MEF2C: variants seen among roughly 807,000 people sequenced by gnomAD.
MEF2C encodes myocyte-specific enhancer factor 2C.
Under a neutral mutation model 50.5 loss-of-function variants are expected in MEF2C, and 6 were observed. The ratio of observed to expected loss-of-function variants is 0.12; its 90% confidence interval spans 0.07 to 0.23. MEF2C has a LOEUF of 0.23. MEF2C is among the 10% of genes least tolerant of loss of function. The probability of loss-of-function intolerance (pLI) is 1.00; values close to 1 mark genes in which losing one functional copy is unlikely to be tolerated. For synonymous variants in MEF2C, 183 were observed against 228.0 expected (o/e 0.80, Z 1.78); for missense variants, 276 against 605.0 (o/e 0.46, Z 5.70).
intron 3 of MEF2C, among the ~76,000 whole-genome samples, chr5:88,797,394 C>CT (rs897252115): frequency 3.8e-5 from 4 of 104,550 alleles, no homozygotes; most frequent in African/African-American, 7.5e-5. Context: ...CTTCTTGAGT[C>CT]TTTTTTTATC....
chr5:88,877,504 C>G (rs1831429900), intron 1 of MEF2C, among the ~76,000 whole-genome samples: 1 of 151,738 alleles, frequency 6.6e-6, no homozygotes, highest in Non-Finnish European at 1.5e-5. Flanking sequence ...ATTAAATAAC[C>G]TTTTCTATAA....
At chr5:88,874,930 C>T (rs544297575) in intron 1 of MEF2C, among the ~76,000 whole-genome samples, 3 of 151,980 alleles carry the variant, frequency 2.0e-5, no homozygotes, top group Non-Finnish European at 4.4e-5. Flanking sequence ...AAGAAGAAGG[C>T]TAGTTTTAGA....
chr5:88,845,816 C>T (rs948213454), intron 1 of MEF2C, among the ~76,000 whole-genome samples: 5 of 152,214 alleles, frequency 3.3e-5, no homozygotes, highest in Admixed American at 3.3e-4. Context: ...CTGCAACCTC[C>T]ACCTCCTGGG....
At chr5:88,731,015 C>A (rs889030955) in intron 7 of MEF2C, among the ~76,000 whole-genome samples, 1 of 152,110 alleles carries the variant, frequency 6.6e-6, no homozygotes, top group African/African-American at 2.4e-5. Flanking sequence ...GGCATGCAGA[C>A]CCAGAAGAAA....
At chr5:88,811,727 T>C (rs1480432577) in intron 2 of MEF2C, among the ~76,000 whole-genome samples, 4 of 152,134 alleles carry the variant, frequency 2.6e-5, no homozygotes, top group Non-Finnish European at 5.9e-5. Context: ...TAGACAACAT[T>C]AAATGATGTA....
chr5:88,733,633 C>T (rs1283501803), intron 6 of MEF2C: 2 of 985,196 alleles, frequency 2.0e-6, no homozygotes, highest in Non-Finnish European at 2.4e-6. Flanking sequence ...ATTTGAGGCA[C>T]ACTGTATAAA....
chr5:88,853,671 T>C (rs1822209364), intron 1 of MEF2C, among the ~76,000 whole-genome samples: 1 of 152,184 alleles, frequency 6.6e-6, no homozygotes, highest in Admixed American at 6.5e-5. Flanking sequence ...CAATGGAAAA[T>C]ATAAAGGCAT....
chr5:88,797,461 T>C (rs1796500489), intron 3 of MEF2C, among the ~76,000 whole-genome samples: 1 of 131,460 alleles, frequency 7.6e-6, no homozygotes, highest in Non-Finnish European at 1.6e-5. Context: ...TTGCCTTTTT[T>C]TTTTTTTTTT....
chr5:88,902,688 T>G (rs1835789154), intron 1 of MEF2C, among the ~76,000 whole-genome samples: 1 of 151,958 alleles, frequency 6.6e-6, no homozygotes, highest in South Asian at 2.1e-4. Context: ...AGGATGTAGA[T>G]TTAAAGTTAT....
intron 1 of MEF2C, among the ~76,000 whole-genome samples, chr5:88,830,060 A>C (rs1812439654): frequency 6.6e-6 from 1 of 152,038 alleles, no homozygotes; most frequent in African/African-American, 2.4e-5. Context: ...TCCAAAGCTA[A>C]TGATTAGCAA....
upstream of MEF2C, among the ~76,000 whole-genome samples, chr5:88,885,636 A>G (rs1833980091): frequency 1.3e-5 from 2 of 152,236 alleles, no homozygotes; most frequent in South Asian, 2.1e-4. Context: ...TTAAAGGGCA[A>G]AGATATTTCG....
intron 6 of MEF2C, among the ~76,000 whole-genome samples, chr5:88,745,894 C>T (rs1769270166): frequency 6.6e-6 from 1 of 152,182 alleles, no homozygotes; most frequent in South Asian, 2.1e-4. Flanking sequence ...TTTCCCTGTG[C>T]CTCAGTTTCC....
intron 3 of MEF2C, among the ~76,000 whole-genome samples, chr5:88,792,003 T>A (rs547765350): frequency 6.6e-6 from 1 of 152,074 alleles, no homozygotes; most frequent in South Asian, 2.1e-4. Context: ...AGGGTAGACT[T>A]ACTTAGTCAC....
chr5:88,757,665 C>G (rs1043785119), intron 4 of MEF2C, among the ~76,000 whole-genome samples: 11 of 152,144 alleles, frequency 7.2e-5, no homozygotes, highest in African/African-American at 2.7e-4. Context: ...CCTGTGATAC[C>G]AGCACTTTGG....
intron 3 of MEF2C, chr5:88,775,839 TTG>T: frequency 2.0e-6 from 2 of 982,290 alleles, no homozygotes; most frequent in Non-Finnish European, 2.4e-6. Context: ...GAGAGTATTT[TTG>T]TGTGTGTGAT....
chr5:88,767,965 G>A (rs1247324496), intron 3 of MEF2C, among the ~76,000 whole-genome samples: 3 of 152,156 alleles, frequency 2.0e-5, no homozygotes, highest in Admixed American at 6.5e-5. Flanking sequence ...TGGTGCAAAC[G>A]CTGCATGCCT....
intron 6 of MEF2C, chr5:88,738,161 C>T (rs952467706): frequency 1.1e-5 from 11 of 985,082 alleles, no homozygotes; most frequent in Non-Finnish European, 1.3e-5. Flanking sequence ...CCCTACAGAG[C>T]CTTAGTTTTC....
intron 2 of MEF2C, among the ~76,000 whole-genome samples, chr5:88,812,406 T>C (rs2153134288): frequency 6.6e-6 from 1 of 152,168 alleles, no homozygotes; most frequent in East Asian, 1.9e-4. Context: ...AGTTTGCTAC[T>C]GAGAGAGGGA....
intron 3 of MEF2C, among the ~76,000 whole-genome samples, chr5:88,776,566 G>T (rs1243436278): frequency 6.6e-6 from 1 of 151,898 alleles, no homozygotes; most frequent in Non-Finnish European, 1.5e-5. Context: ...CTTAGAAAAT[G>T]TTTAAAAATA....
Sources: allele counts gnomAD v4.1 joint callset (sites outside exome capture counted in the v4.1 genomes callset), GRCh38; gene constraint gnomAD v4.1.1; transcripts MANE v1.5; gene names NCBI Gene and HGNC (gene_info 2026-07-23, HGNC 2026-07-21).